AUTS2: variants seen among roughly 807,000 people sequenced by gnomAD.
AUTS2 encodes autism susceptibility gene 2 protein.
In AUTS2, 17 loss-of-function variants were observed where a neutral mutation model predicts 112.4. That is an observed-to-expected ratio of 0.15 (90% CI 0.10 to 0.23). AUTS2 has a LOEUF of 0.23. AUTS2 is among the 10% of genes least tolerant of loss of function. The pLI is 1.00. For missense variants in AUTS2, 1,510 were observed against 1,701.6 expected, an observed-to-expected ratio of 0.89 and a Z score of 1.98; for synonymous variants, 751 against 702.7, an observed-to-expected ratio of 1.07 and a Z score of -1.09.
At chr7:70,708,459 C>A (rs1406227140) in intron 6 of AUTS2, among the ~76,000 whole-genome samples, 1 of 152,216 alleles carries the variant, frequency 6.6e-6, no homozygotes, top group East Asian at 1.9e-4. Context: ...TATTGAGCCC[C>A]AACCATGGAA....
At chr7:70,739,986 A>AG (rs1192288774) in intron 6 of AUTS2, among the ~76,000 whole-genome samples, 2 of 152,038 alleles carry the variant, frequency 1.3e-5, no homozygotes, top group Admixed American at 1.3e-4. Flanking sequence ...TCCACTACCA[A>AG]GGAAGCATGG....
chr7:69,994,884 C>A (rs554511462), intron 2 of AUTS2, among the ~76,000 whole-genome samples: 1 of 152,068 alleles, frequency 6.6e-6, no homozygotes, highest in Non-Finnish European at 1.5e-5. Flanking sequence ...TAGAAAAGAT[C>A]CATTGTTTGG....
chr7:70,299,380 A>G (rs1471177572), intron 4 of AUTS2, among the ~76,000 whole-genome samples: 1 of 152,194 alleles, frequency 6.6e-6, no homozygotes, highest in East Asian at 1.9e-4. Flanking sequence ...AATAGATCCT[A>G]CAGCATTCTG....
At chr7:69,777,076 A>C (rs1180843221) in intron 1 of AUTS2, among the ~76,000 whole-genome samples, 1 of 152,126 alleles carries the variant, frequency 6.6e-6, no homozygotes, top group Non-Finnish European at 1.5e-5. Flanking sequence ...GGTTAGAAAA[A>C]CTTAGTGTTT....
At chr7:70,470,264 C>A (rs1321572656) in intron 5 of AUTS2, among the ~76,000 whole-genome samples, 1 of 152,188 alleles carries the variant, frequency 6.6e-6, no homozygotes, top group African/African-American at 2.4e-5. Context: ...CCTTATTCAG[C>A]TGGCCACTGC....
intron 1 of AUTS2, among the ~76,000 whole-genome samples, chr7:69,818,113 T>C (rs936490127): frequency 2.0e-5 from 3 of 152,202 alleles, no homozygotes; most frequent in African/African-American, 7.2e-5. Flanking sequence ...AAACCCTGGC[T>C]AATGAGGAGC....
intron 1 of AUTS2, among the ~76,000 whole-genome samples, chr7:69,857,874 A>AT (rs1162875302): frequency 1.3e-5 from 2 of 151,906 alleles, no homozygotes; most frequent in Non-Finnish European, 2.9e-5. Flanking sequence ...TGCCAAAAGG[A>AT]TTTTTCTCAT....
chr7:69,720,519 T>C (rs1479734756), intron 1 of AUTS2, among the ~76,000 whole-genome samples: 1 of 152,208 alleles, frequency 6.6e-6, no homozygotes, highest in Non-Finnish European at 1.5e-5. Flanking sequence ...CTATTATGAA[T>C]CATTTTCTAA....
intron 4 of AUTS2, among the ~76,000 whole-genome samples, chr7:70,211,654 AAAAAAAAG>A (rs1254637685): frequency 1.4e-5 from 2 of 138,492 alleles, no homozygotes; most frequent in African/African-American, 2.7e-5. Context: ...GTCTCAAAGA[AAAAAAAAG>A]AAAAAAAGAA....
At position 69,936,992 on chromosome 7, in the gene AUTS2, C is replaced by T. The variant is rs73429454; in HGVS notation, c.522+37494C>T. Among the ~76,000 whole-genome samples, 834 of 152,068 alleles carry T rather than the reference C, an allele frequency of 5.5e-3. 11 individuals are homozygous for T. Among genetic ancestry groups the T allele is most frequent in the African/African-American group, 0.019 (786 of 41,470 alleles). ...TTCTCTTTCCCCCTTTTTTCTTCCCCTCCATCTTACTTTCCCTTCTCTCTC... is the reference window on the plus strand; with the variant it reads ...TTCTCTTTCCCCCTTTTTTCTTCCCTTCCATCTTACTTTCCCTTCTCTCTC... On this transcript the variant is annotated intron_variant, in intron 2 of 18. Coordinates refer to ENST00000342771, the MANE Select transcript of AUTS2 (RefSeq NM_015570.4).
chr7:70,346,939 G>A (rs796995631), intron 4 of AUTS2, among the ~76,000 whole-genome samples: 7 of 152,258 alleles, frequency 4.6e-5, no homozygotes, highest in East Asian at 1.9e-4. Context: ...TTCTGGCCAC[G>A]TGAACTACAT....
At chr7:70,716,598 C>CT (rs1456584522) in intron 6 of AUTS2, among the ~76,000 whole-genome samples, 1 of 132,302 alleles carries the variant, frequency 7.6e-6, no homozygotes, top group Non-Finnish European at 1.5e-5. Flanking sequence ...GATGGCGCCA[C>CT]TGCACTCCAA....
At chr7:70,232,647 G>C (rs1812117816) in intron 4 of AUTS2, among the ~76,000 whole-genome samples, 1 of 152,096 alleles carries the variant, frequency 6.6e-6, no homozygotes, top group Non-Finnish European at 1.5e-5. Context: ...TCAAAGTGTT[G>C]AGGATTACAG....
intron 1 of AUTS2, among the ~76,000 whole-genome samples, chr7:69,764,028 G>A (rs1450325531): frequency 6.6e-6 from 1 of 152,330 alleles, no homozygotes; most frequent in Admixed American, 6.5e-5. Flanking sequence ...TTTGAGGTCA[G>A]TTGGGGGCAG....
intron 1 of AUTS2, among the ~76,000 whole-genome samples, chr7:69,697,967 C>G (rs1238256377): frequency 6.6e-6 from 1 of 152,138 alleles, no homozygotes. Flanking sequence ...GATTATGGCT[C>G]TGCTGATTAA....
At chr7:70,558,830 A>G (rs1334146737) in intron 5 of AUTS2, among the ~76,000 whole-genome samples, 1 of 152,234 alleles carries the variant, frequency 6.6e-6, no homozygotes, top group Admixed American at 6.5e-5. Flanking sequence ...GTAGACAAAT[A>G]TTCTTGTGGA....
chr7:69,788,755 G>GC (rs1346192359), intron 1 of AUTS2, among the ~76,000 whole-genome samples: 1 of 148,512 alleles, frequency 6.7e-6, no homozygotes, highest in East Asian at 1.9e-4. Flanking sequence ...TCCTCCAGTG[G>GC]CCTTGAAGCA....
At chr7:70,428,373 ACGTGTTTTT>A (rs1795517844) in intron 4 of AUTS2, among the ~76,000 whole-genome samples, 1 of 152,192 alleles carries the variant, frequency 6.6e-6, no homozygotes, top group Admixed American at 6.5e-5. Flanking sequence ...GGGATGGTGA[ACGTGTTTTT>A]AGTCACCATG....
At chr7:70,104,437 A>C (rs1230796571) in intron 2 of AUTS2, among the ~76,000 whole-genome samples, 1 of 152,182 alleles carries the variant, frequency 6.6e-6, no homozygotes, top group Non-Finnish European at 1.5e-5. Flanking sequence ...TTAATTCTCT[A>C]CTTCACTAAA....
Sources: gnomAD v4.1 joint callset for allele counts (sites outside exome capture counted in the v4.1 genomes callset) on GRCh38, gnomAD v4.1.1 for gene constraint, MANE v1.5 for transcripts, NCBI Gene and HGNC (gene_info 2026-07-23, HGNC 2026-07-21) for gene names.